The following MUSK variants were observed in gnomAD, a reference collection of about 807,000 sequenced individuals.
The protein encoded by MUSK is muscle, skeletal receptor tyrosine-protein kinase.
A neutral mutation model predicts 88.7 loss-of-function variants in MUSK; 55 were observed. That is an observed-to-expected ratio of 0.62 (90% CI 0.50 to 0.78). MUSK has a LOEUF of 0.78. Among genes scored for constraint, MUSK ranks in the 30% least tolerant of loss-of-function variants. The probability of loss-of-function intolerance (pLI) is 0.00; values close to 1 mark genes in which losing one functional copy is unlikely to be tolerated. For missense variants in MUSK, 1,015 were observed against 1,074.3 expected, an observed-to-expected ratio of 0.94 and a Z score of 0.77; for synonymous variants, 387 against 391.9, an observed-to-expected ratio of 0.99 and a Z score of 0.15.
rs1278377570 is a variant in MUSK at position 110,712,614 on chromosome 9, C to T, written c.628+15148C>T. Among the ~76,000 whole-genome samples the T allele has an allele frequency of 2.0e-5, 3 of 152,130 alleles. No individual in the cohort carries two copies. In the East Asian group the frequency reaches 5.8e-4, roughly 29 times the overall value. The stretch of plus-strand genomic sequence containing the variant: ...GCTTTTTAACAACACCCCAAAGGAT[C>T]CTTAATGCAGTGACCCATGAACCAC... On this transcript the variant is annotated intron_variant, in intron 5 of 14. Transcript: ENST00000374448.
chr9:110,771,274 G>C (rs1378648751), intron 9 of MUSK, among the ~76,000 whole-genome samples: 17 of 144,106 alleles, frequency 1.2e-4, no homozygotes, highest in Admixed American at 1.0e-3. Context: ...ATTTTTAGTA[G>C]AGATGGGGTT....
At position 110,687,073 on chromosome 9, in the gene MUSK, C is replaced by A. The variant is rs189825814; in HGVS notation, c.207-44C>A. On this transcript the variant is annotated intron_variant, in intron 2 of 14. Transcript: ENST00000374448. ...GATACATTAATCATGGCAAAAAAAT[C>A]ACAGAGGAAGCACTAATCTGTCATT... 4.8e-5 allele frequency: 76 copies of A among 1,576,706 alleles called. No individual in the cohort carries two copies. The Middle Eastern group carries it at 8.6e-4, about 18-fold the overall frequency.
At chr9:110,782,769 G>A (rs906890078) in intron 11 of MUSK, among the ~76,000 whole-genome samples, 16 of 152,178 alleles carry the variant, frequency 1.1e-4, no homozygotes, top group African/African-American at 3.9e-4. Flanking sequence ...AAGAGAATCA[G>A]ACTAGCTTTC....
At chr9:110,722,673 A>G (rs35028293) in intron 5 of MUSK, among the ~76,000 whole-genome samples, 12,187 of 151,972 alleles carry the variant, frequency 0.08, 1,314 homozygotes, top group African/African-American at 0.24. Flanking sequence ...TAATATTCAG[A>G]ATCTACAAAG....
intron 11 of MUSK, among the ~76,000 whole-genome samples, chr9:110,777,120 G>A (rs1414894870): frequency 6.6e-6 from 1 of 151,966 alleles, no homozygotes; most frequent in African/African-American, 2.4e-5. Flanking sequence ...CCAGTATAAA[G>A]TTTATAGGAT....
chr9:110,685,866 A>T (rs2076189186), intron 2 of MUSK, among the ~76,000 whole-genome samples: 1 of 152,114 alleles, frequency 6.6e-6, no homozygotes, highest in Admixed American at 6.6e-5. Context: ...CATGCTTTTC[A>T]AATTTTTTTC....
At position 110,703,468 on chromosome 9, in the gene MUSK, T is replaced by A. The variant is rs560699848; in HGVS notation, c.628+6002T>A. Among the ~76,000 whole-genome samples the A allele has an allele frequency of 2.6e-5, 4 of 151,924 alleles. No individual in the cohort carries two copies. In the South Asian group the frequency reaches 6.2e-4, roughly 24 times the overall value. On this transcript the variant is annotated intron_variant, in intron 5 of 14. Transcript: ENST00000374448. ...TCTCTTAAACCCAGGAGGCAGAGGT[T>A]GCAGTGAGCCAAGATTGCACCACTA...
intron 10 of MUSK, among the ~76,000 whole-genome samples, chr9:110,776,358 G>C (rs187281111): frequency 6.6e-6 from 1 of 152,130 alleles, no homozygotes; most frequent in South Asian, 2.1e-4. Context: ...GCTAAAATAA[G>C]ACACATGTTT....
intron 5 of MUSK, among the ~76,000 whole-genome samples, chr9:110,720,712 CA>C (rs1200025623): frequency 6.6e-6 from 1 of 151,964 alleles, no homozygotes; most frequent in Admixed American, 6.6e-5. Context: ...ACAAGATAGA[CA>C]AAGAGGGAAT....
In MUSK at chr9:110,800,418, C is replaced by T; in HGVS notation, c.2040C>T (p.His680=). 1 of 1,613,924 alleles carries T rather than the reference C, an allele frequency of 6.2e-7. No individual in the cohort carries two copies. Among genetic ancestry groups the T allele is most frequent in the Non-Finnish European group, 8.5e-7 (1 of 1,179,870 alleles). Residue 680 remains histidine, a synonymous_variant, in exon 15 of 15, where the codon CAC becomes CAT. Coordinates refer to ENST00000374448, the MANE Select transcript of MUSK (RefSeq NM_005592.4). ...CTCACACCGTGTGCAGCCTCAGTCACAGTGACTTGTCTATGAGGGCTCAGG... is the reference window on the plus strand; with the variant it reads ...CTCACACCGTGTGCAGCCTCAGTCATAGTGACTTGTCTATGAGGGCTCAGG... ...MSPHTVCSLS[H]SDLSMRAQVS...
intron 11 of MUSK, among the ~76,000 whole-genome samples, chr9:110,779,849 G>A (rs2077724505): frequency 6.6e-6 from 1 of 151,964 alleles, no homozygotes; most frequent in South Asian, 2.1e-4. Context: ...TAGTTACTAT[G>A]TTCTATGAGG....
chr9:110,782,874 T>C (rs1482976888), intron 11 of MUSK, among the ~76,000 whole-genome samples: 2 of 152,192 alleles, frequency 1.3e-5, no homozygotes, highest in Non-Finnish European at 2.9e-5. Context: ...GCAGATGTTT[T>C]ATTGCTGTGC....
At position 110,802,226 on chromosome 9, in the gene MUSK, A is replaced by C. The variant is rs2078106796; in HGVS notation, c.*1238A>C. Among the ~76,000 whole-genome samples the C allele has an allele frequency of 6.7e-6, 1 of 150,350 alleles. No individual in the cohort carries two copies. The highest frequency in any genetic ancestry group is 2.4e-5 in the African/African-American group (1 of 40,974). On this transcript the variant is annotated 3_prime_UTR_variant, in exon 15 of 15. Coordinates refer to ENST00000374448, the MANE Select transcript of MUSK (RefSeq NM_005592.4). ...TGATTTTGTTGTATTTCATGATTTA[A>C]AAAAAAAAGCAGCAGCTCTGGAACT...
chr9:110,708,645 T>G (rs2131762440), intron 5 of MUSK, among the ~76,000 whole-genome samples: 1 of 152,264 alleles, frequency 6.6e-6, no homozygotes, highest in South Asian at 2.1e-4. Flanking sequence ...TATGGTATAT[T>G]ATGGTATGGT....
intron 3 of MUSK, among the ~76,000 whole-genome samples, chr9:110,689,555 A>G (rs2076262919): frequency 9.6e-6 from 1 of 104,170 alleles, no homozygotes; most frequent in African/African-American, 4.2e-5. Context: ...ATATATATTT[A>G]TATATTATAT....
At chr9:110,672,293 T>C (rs2075967997) in intron 1 of MUSK, among the ~76,000 whole-genome samples, 1 of 151,624 alleles carries the variant, frequency 6.6e-6, no homozygotes, top group East Asian at 1.9e-4. Flanking sequence ...AAGTGAGGGG[T>C]GGAAAGAGGG....
At chr9:110,671,778 A>G (rs1056457774) in intron 1 of MUSK, among the ~76,000 whole-genome samples, 1 of 152,186 alleles carries the variant, frequency 6.6e-6, no homozygotes, top group Non-Finnish European at 1.5e-5. Flanking sequence ...TTAATGCTTT[A>G]TTAGGGAGTA....
chr9:110,770,784 T>A (rs1003186167), intron 9 of MUSK, among the ~76,000 whole-genome samples: 5 of 151,798 alleles, frequency 3.3e-5, no homozygotes, highest in African/African-American at 1.2e-4. Flanking sequence ...AGGTGTGTTT[T>A]ATAGTCATTG....
rs13301436 is a variant in MUSK at position 110,681,133 on chromosome 9, T to A, written c.80-1541T>A. 5.8e-3 allele frequency among the ~76,000 whole-genome samples: 293 copies of A among 50,804 alleles called. 10 individuals carry two copies. The highest frequency in any genetic ancestry group is 0.031 in the African/African-American group (280 of 8,988). 33.3% of individuals were successfully genotyped at this position (50,804 alleles called of 152,430 possible). Reference sequence around the variant, plus strand: ...TTATATATAATATATATTATATATATTATAAGGATCGTTATAATATATATT... The same window carrying A: ...TTATATATAATATATATTATATATAATATAAGGATCGTTATAATATATATT... On this transcript the variant is annotated intron_variant, in intron 1 of 14. Transcript: ENST00000374448.
Sources: allele counts gnomAD v4.1 joint callset (sites outside exome capture counted in the v4.1 genomes callset), GRCh38; gene constraint gnomAD v4.1.1; transcripts MANE v1.5; gene names NCBI Gene and HGNC (gene_info 2026-07-23, HGNC 2026-07-21).